Variants in PCDH15 observed in about 807,000 individuals in gnomAD.
The protein encoded by PCDH15 is protocadherin-15.
In PCDH15, 129 loss-of-function variants were observed where a neutral mutation model predicts 178.5. That is an observed-to-expected ratio of 0.72 (90% CI 0.63 to 0.84). PCDH15 has a LOEUF of 0.84. Among genes scored for constraint, PCDH15 ranks in the 40% least tolerant of loss-of-function variants. The probability of loss-of-function intolerance (pLI) is 0.00; values close to 1 mark genes in which losing one functional copy is unlikely to be tolerated. For missense variants in PCDH15, 2,230 were observed against 2,099.9 expected, an observed-to-expected ratio of 1.06 and a Z score of -1.21; for synonymous variants, 800 against 732.0, an observed-to-expected ratio of 1.09 and a Z score of -1.50.
At chr10:55,151,784 C>A (rs748432405) in intron 2 of PCDH15, among the ~76,000 whole-genome samples, 6 of 151,828 alleles carry the variant, frequency 4.0e-5, no homozygotes, top group Non-Finnish European at 5.9e-5. Context: ...ATGTTAAGAA[C>A]TGATGATATA....
intron 3 of PCDH15, among the ~76,000 whole-genome samples, chr10:54,448,797 G>GT (rs2076292671): frequency 1.3e-5 from 2 of 151,626 alleles, no homozygotes; most frequent in Admixed American, 1.3e-4. Context: ...CTTACATGTA[G>GT]CACTCATAGT....
chr10:53,806,683 T>A lies in PCDH15; in HGVS notation c.5119A>T (p.Ile1707Phe), dbSNP rs1203575562. The stretch of plus-strand genomic sequence containing the variant: ...CTATGAAATTCCAAAGCCTCCTTGA[T>A]GTTCTTACTGTCAATCATGGACTCC... ...EQESMIDSKN[I>F]KEALEFHSDH... Residue 1707 changes from isoleucine (I) to phenylalanine (F), a missense_variant, in exon 38 of 38, where the codon ATC (isoleucine) becomes TTC (phenylalanine). By Grantham distance (21) the Ile-to-Phe change is conservative. Transcript: ENST00000644397. The A allele has an allele frequency of 1.2e-6, 2 of 1,613,920 alleles. No individual in the cohort carries two copies. Among genetic ancestry groups the A allele is most frequent in the Admixed American group, 3.3e-5 (2 of 60,002 alleles).
chr10:53,810,986 T>C (rs1384506404), intron 36 of PCDH15, among the ~76,000 whole-genome samples: 2 of 152,230 alleles, frequency 1.3e-5, no homozygotes, highest in Non-Finnish European at 2.9e-5. Context: ...ACAAAATAGA[T>C]ACTTTGGAAC....
At chr10:54,752,476 C>CAAAAAAAAAA (rs755874514) in intron 1 of PCDH15, among the ~76,000 whole-genome samples, 11 of 89,760 alleles carry the variant, frequency 1.2e-4, no homozygotes, top group South Asian at 3.3e-4. Flanking sequence ...GACTCCGTCT[C>CAAAAAAAAAA]AAAAAAAAAA....
At chr10:54,457,439 C>T (rs2076901088) in intron 3 of PCDH15, among the ~76,000 whole-genome samples, 1 of 152,262 alleles carries the variant, frequency 6.6e-6, no homozygotes, top group South Asian at 2.1e-4. Flanking sequence ...CGTCAGCCCT[C>T]CTAATCTTTC....
intron 2 of PCDH15, among the ~76,000 whole-genome samples, chr10:55,150,467 C>T (rs1401779660): frequency 2.6e-5 from 4 of 152,016 alleles, no homozygotes; most frequent in Non-Finnish European, 4.4e-5. Context: ...GGTTCTCCCC[C>T]GCCAAATATT....
At chr10:55,505,251 T>C (rs1840736184) in intron 2 of PCDH15, among the ~76,000 whole-genome samples, 1 of 151,280 alleles carries the variant, frequency 6.6e-6, no homozygotes, top group African/African-American at 2.4e-5. Context: ...GTAATATTAA[T>C]TAGTGGTGTA....
intron 1 of PCDH15, among the ~76,000 whole-genome samples, chr10:54,781,261 A>C (rs1950333684): frequency 6.6e-6 from 1 of 151,966 alleles, no homozygotes; most frequent in Admixed American, 6.6e-5. Context: ...GGTTTGCTGC[A>C]CCCATCAACC....
At chr10:54,826,907 G>T (rs1341017310) in intron 3 of PCDH15, among the ~76,000 whole-genome samples, 2 of 152,036 alleles carry the variant, frequency 1.3e-5, no homozygotes, top group African/African-American at 4.8e-5. Context: ...GAACTTATAT[G>T]CAGACTTAGA....
At chr10:54,354,496 C>A (rs1324779281) in intron 5 of PCDH15, among the ~76,000 whole-genome samples, 1 of 152,054 alleles carries the variant, frequency 6.6e-6, no homozygotes, top group Non-Finnish European at 1.5e-5. Flanking sequence ...AAAATGGGGA[C>A]AAGTAAGAGG....
intron 1 of PCDH15, among the ~76,000 whole-genome samples, chr10:55,290,926 C>T (rs1019715014): frequency 6.6e-5 from 10 of 152,050 alleles, no homozygotes; most frequent in African/African-American, 1.2e-4. Flanking sequence ...AGTTATGAAA[C>T]GTCCAGAACT....
At chr10:55,495,440 A>T (rs1349005643) in intron 2 of PCDH15, among the ~76,000 whole-genome samples, 1 of 151,764 alleles carries the variant, frequency 6.6e-6, no homozygotes. Context: ...TCCAATTAAA[A>T]ATGGGAAAGA....
chr10:54,745,895 T>C lies in PCDH15; in HGVS notation c.-29+55030A>G, dbSNP rs117659940. On this transcript the variant is annotated intron_variant, in intron 1 of 37. Coordinates refer to ENST00000644397, the MANE Select transcript of PCDH15 (RefSeq NM_001384140.1). ...TAGAAAAGAATATACTTTTATTAGA[T>C]ATTTTCTTGAAGATATGGCAGTCTA... is the stretch of plus-strand genomic sequence containing the variant. Among the ~76,000 whole-genome samples, 313 of 152,292 alleles carry C rather than the reference T, an allele frequency of 2.1e-3. 4 individuals carry two copies. Among genetic ancestry groups the C allele is most frequent in the Admixed American group, 0.014 (213 of 15,284 alleles).
chr10:54,267,200 C>CA (rs58051678), intron 8 of PCDH15, among the ~76,000 whole-genome samples: 106,284 of 151,214 alleles, frequency 0.7, 38,224 homozygotes, highest in Middle Eastern at 0.77. Flanking sequence ...TCAACAGATA[C>CA]GTTAAAGTAT....
At chr10:53,900,836 C>T (rs1295022792) in intron 26 of PCDH15, among the ~76,000 whole-genome samples, 2 of 152,144 alleles carry the variant, frequency 1.3e-5, no homozygotes, top group South Asian at 2.1e-4. Context: ...ATGCCACCCA[C>T]TAAATTTCCT....
At chr10:55,423,717 G>A (rs1334526) in intron 2 of PCDH15, among the ~76,000 whole-genome samples, 75,243 of 151,730 alleles carry the variant, frequency 0.5, 19,819 homozygotes, top group African/African-American at 0.61. Flanking sequence ...ATCTAAATAC[G>A]CAACATACCT....
At chr10:55,278,451 C>A (rs1444291524) in intron 1 of PCDH15, among the ~76,000 whole-genome samples, 2 of 152,074 alleles carry the variant, frequency 1.3e-5, no homozygotes, top group Non-Finnish European at 2.9e-5. Context: ...TTACGAACTC[C>A]TGGCCTCAAG....
chr10:54,793,174 G>T (rs1299019063), intron 1 of PCDH15, among the ~76,000 whole-genome samples: 3 of 151,900 alleles, frequency 2.0e-5, no homozygotes, highest in African/African-American at 7.2e-5. Flanking sequence ...AAACTGTGTT[G>T]CAAGTCTAGG....
intron 10 of PCDH15, among the ~76,000 whole-genome samples, chr10:54,212,018 A>AT (rs541571886): frequency 1.3e-5 from 2 of 151,738 alleles, no homozygotes; most frequent in Admixed American, 6.6e-5. Flanking sequence ...ATTGTAATTG[A>AT]TTTTTTTTCT....
Sources: allele counts gnomAD v4.1 joint callset (sites outside exome capture counted in the v4.1 genomes callset), GRCh38; gene constraint gnomAD v4.1.1; transcripts MANE v1.5; gene names NCBI Gene and HGNC (gene_info 2026-07-23, HGNC 2026-07-21).